SLC6A11: variants seen among roughly 807,000 people sequenced by gnomAD.
The protein encoded by SLC6A11 is solute carrier family 6 member 11.
Under a neutral mutation model 74.8 loss-of-function variants are expected in SLC6A11, and 25 were observed. The observed-to-expected ratio is 0.33, with a 90% confidence interval of 0.24 to 0.47. SLC6A11 has a LOEUF of 0.47. SLC6A11 is among the 20% of genes least tolerant of loss of function. The pLI is 1.00. For missense variants in SLC6A11, 574 were observed against 837.0 expected, an observed-to-expected ratio of 0.69 and a Z score of 3.88; for synonymous variants, 330 against 330.2, an observed-to-expected ratio of 1.00 and a Z score of 0.01.
At chr3:10,877,664 G>T (rs1190703264) in intron 6 of SLC6A11, among the ~76,000 whole-genome samples, 1 of 152,152 alleles carries the variant, frequency 6.6e-6, no homozygotes, top group South Asian at 2.1e-4. Flanking sequence ...AGCCTTTATG[G>T]GATTCAGTGT....
In SLC6A11 at chr3:10,823,344, G is replaced by A. The variant is rs764603691; in HGVS notation, c.575G>A (p.Ser192Asn). 6.8e-6 allele frequency: 11 copies of A among 1,613,968 alleles called. No individual in the cohort carries two copies. The South Asian group carries it at 1.2e-4, about 18-fold the overall frequency. The change falls in exon 4 of 14, where the codon AGC (serine) becomes AAC (asparagine). Residue 192 changes from serine to asparagine, a missense_variant. Physicochemically the swap from Ser to Asn is conservative, Grantham distance 46 (BLOSUM62 1). This residue lies in a region of SLC6A11 where 215 missense variants were observed against 357.9 expected (regional missense o/e 0.60). Coordinates refer to ENST00000254488, the MANE Select transcript of SLC6A11 (RefSeq NM_014229.3). ...EFQKLNVSNY[S>N]HVSLQNATSP... is the part of the protein sequence containing the mutation. ...CAGAAACTGAATGTGAGCAACTACA[G>A]CCATGTGTCTCTGCAGAATGCCACC...
chr3:10,930,925 C>T (rs736078), intron 10 of SLC6A11, among the ~76,000 whole-genome samples: 59,310 of 152,056 alleles, frequency 0.39, 12,276 homozygotes, highest in African/African-American at 0.49. Context: ...CAACCTTCCG[C>T]CTTCTCGGAG....
chr3:10,908,443 A>G (rs1486362247), intron 6 of SLC6A11, among the ~76,000 whole-genome samples: 1 of 152,220 alleles, frequency 6.6e-6, no homozygotes, highest in Non-Finnish European at 1.5e-5. Flanking sequence ...CAGAATAAAA[A>G]TGACAGACTT....
At chr3:10,855,480 G>A (rs1208507386) in intron 5 of SLC6A11, among the ~76,000 whole-genome samples, 8 of 152,130 alleles carry the variant, frequency 5.3e-5, no homozygotes, top group African/African-American at 1.9e-4. Context: ...CTTCTTGGCT[G>A]TCTCCTCACT....
chr3:10,834,751 C>T (rs942715886), intron 4 of SLC6A11, among the ~76,000 whole-genome samples: 6 of 152,136 alleles, frequency 3.9e-5, no homozygotes, highest in African/African-American at 1.4e-4. Context: ...GAATTGGGAC[C>T]CTGAGCAGGT....
intron 6 of SLC6A11, among the ~76,000 whole-genome samples, chr3:10,888,996 C>T (rs1272631255): frequency 6.6e-6 from 1 of 152,092 alleles, no homozygotes; most frequent in Admixed American, 6.5e-5. Context: ...AGACACATTT[C>T]CTGTTTTCTC....
chr3:10,868,831 G>A (rs963572929), intron 5 of SLC6A11, among the ~76,000 whole-genome samples: 1 of 152,226 alleles, frequency 6.6e-6, no homozygotes, highest in African/African-American at 2.4e-5. Context: ...CACTTTGTTA[G>A]GAAGCACCTT....
Position 10,926,238 on chromosome 3 carries a change from CCTG to C in SLC6A11, c.1233+124_1233+126del. 1.5e-6 allele frequency: 1 copy of C among 655,704 alleles called. No homozygotes were observed. Among genetic ancestry groups the C allele is most frequent in the Non-Finnish European group, 2.7e-6 (1 of 369,264 alleles). 40.6% of individuals were successfully genotyped at this position (655,704 alleles called of 1,614,324 possible). A position where few individuals can be genotyped will look rare whatever the true frequency, so the allele number is the denominator to read the frequency against. On this transcript the variant is annotated intron_variant, in intron 9 of 13. Coordinates refer to ENST00000254488, the MANE Select transcript of SLC6A11 (RefSeq NM_014229.3). This position sits in a 1 kb window ranked among gnomAD's most constrained non-coding sequence, Gnocchi z 5.7. ...TCCCACCTGGCCCTGGCATCAGGGC[CCTG>C]CCCACCGTCCCCCATTCCACCCTCC...
At chr3:10,919,112 C>G (rs1476601361) in intron 8 of SLC6A11, among the ~76,000 whole-genome samples, 2 of 152,092 alleles carry the variant, frequency 1.3e-5, no homozygotes, top group Admixed American at 1.3e-4. Context: ...TTTCCCTGTT[C>G]TAGACATAGA....
At position 10,883,256 on chromosome 3, in the gene SLC6A11, G is replaced by A. The variant is rs1265673921; in HGVS notation, c.891+8161G>A. ...GTCAGCCCCGTGTTCTCTCTGAAGT[G>A]TGAAGTGCTTCCACTCCATTTTTTG... On this transcript the variant is annotated intron_variant, in intron 6 of 13. Coordinates refer to ENST00000254488, the MANE Select transcript of SLC6A11 (RefSeq NM_014229.3). Among the ~76,000 whole-genome samples the A allele has an allele frequency of 3.9e-5, 6 of 152,344 alleles. No individual in the cohort carries two copies. The East Asian group carries it at 1.2e-3, about 29-fold the overall frequency.
chr3:10,909,558 AG>A (rs1000799718), intron 6 of SLC6A11, among the ~76,000 whole-genome samples: 2 of 152,160 alleles, frequency 1.3e-5, no homozygotes, highest in African/African-American at 4.8e-5. Flanking sequence ...CACAACTCTG[AG>A]GGCTTTGCTC....
At chr3:10,933,830 C>A (rs1695722579) in intron 11 of SLC6A11, 2 of 381,098 alleles carry the variant, frequency 5.2e-6, no homozygotes, top group Non-Finnish European at 9.5e-6. Context: ...TTCATCATTT[C>A]CTGGGCCTGA....
At chr3:10,875,656 G>C (rs1694898650) in intron 6 of SLC6A11, among the ~76,000 whole-genome samples, 2 of 152,176 alleles carry the variant, frequency 1.3e-5, no homozygotes, top group Admixed American at 1.3e-4. Context: ...TAAAAAAAGA[G>C]TTGGAGAAAC....
chr3:10,873,930 A>G (rs1299434807), intron 5 of SLC6A11, among the ~76,000 whole-genome samples: 4 of 152,038 alleles, frequency 2.6e-5, no homozygotes, highest in Non-Finnish European at 5.9e-5. Flanking sequence ...ACACTATCCT[A>G]TGTTATGCTA....
chr3:10,916,947 C>T (rs1473774226), intron 7 of SLC6A11, among the ~76,000 whole-genome samples: 2 of 152,132 alleles, frequency 1.3e-5, no homozygotes. Flanking sequence ...GTGTTAACAA[C>T]CAAGAACAAC....
At chr3:10,919,264 A>G (rs1220038565) in intron 8 of SLC6A11, among the ~76,000 whole-genome samples, 1 of 152,226 alleles carries the variant, frequency 6.6e-6, no homozygotes, top group Non-Finnish European at 1.5e-5. Context: ...TTGAATTTCC[A>G]GAAAATTAAG....
intron 13 of SLC6A11, among the ~76,000 whole-genome samples, chr3:10,936,875 T>C (rs1695765870): frequency 6.6e-6 from 1 of 152,154 alleles, no homozygotes; most frequent in Non-Finnish European, 1.5e-5. Context: ...GGGAGCCTTC[T>C]TTCCTAAGCC....
chr3:10,905,803 C>G (rs1388330179), intron 6 of SLC6A11, among the ~76,000 whole-genome samples: 1 of 152,204 alleles, frequency 6.6e-6, no homozygotes, highest in East Asian at 1.9e-4. Context: ...GAAATCTAAT[C>G]CTGTACATTC....
In SLC6A11 at chr3:10,934,047, T is replaced by G; in HGVS notation, c.1475-19T>G. On this transcript the variant is annotated intron_variant, in intron 11 of 13. Coordinates refer to ENST00000254488, the MANE Select transcript of SLC6A11 (RefSeq NM_014229.3). Reference sequence around the variant, plus strand: ...CTTCTCTGGGGTGTGTATGTTCCCCTCTGATTTATTCCGGACAGGAAGCAA... The same window carrying G: ...CTTCTCTGGGGTGTGTATGTTCCCCGCTGATTTATTCCGGACAGGAAGCAA... The G allele has an allele frequency of 3.2e-6, 5 of 1,576,120 alleles. No individual in the cohort carries two copies. The highest frequency in any genetic ancestry group is 4.4e-6 in the Non-Finnish European group (5 of 1,145,568).
Sources: gnomAD v4.1 joint callset for allele counts (sites outside exome capture counted in the v4.1 genomes callset) on GRCh38, gnomAD v4.1.1 for gene constraint, gnomAD v4.1.1 regional missense constraint, Gnocchi (gnomAD v3.1) non-coding constraint, MANE v1.5 for transcripts, NCBI Gene and HGNC (gene_info 2026-07-23, HGNC 2026-07-21) for gene names.